The following SPAG9 variants were observed in gnomAD, a reference collection of about 807,000 sequenced individuals.
The protein encoded by SPAG9 is C-Jun-amino-terminal kinase-interacting protein 4.
Under a neutral mutation model 166.5 loss-of-function variants are expected in SPAG9, and 35 were observed. The observed-to-expected ratio is 0.21, with a 90% CI of 0.16 to 0.28. The LOEUF is 0.28. Among genes scored for constraint, SPAG9 ranks in the 10% least tolerant of loss-of-function variants. The pLI is 1.00. For synonymous variants in SPAG9, 534 were observed against 565.5 expected (o/e 0.94, Z 0.79); for missense variants, 1,235 against 1,603.3 (o/e 0.77, Z 3.92).
chr17:50,985,970 G>A (rs1430763702), intron 22 of SPAG9, among the ~76,000 whole-genome samples, 192 bp from the exon 23 acceptor site: 3 of 152,210 alleles, frequency 2.0e-5, no homozygotes, highest in Admixed American at 6.5e-5. Flanking sequence ...TAAAGAAATA[G>A]GCTGCTGAGC....
chr17:50,984,974 C>T lies in SPAG9; in HGVS notation c.3037G>A (p.Val1013Met), dbSNP rs766280518. 19 of 1,614,060 alleles carry T rather than the reference C, an allele frequency of 1.2e-5. No homozygotes were observed. Among genetic ancestry groups the T allele is most frequent in the Non-Finnish European group, 1.6e-5 (19 of 1,180,018 alleles). Residue 1013 changes from valine to methionine, a missense_variant, in exon 24 of 30, where the codon GTG becomes ATG. Physicochemically the swap from Val to Met is conservative, Grantham distance 21. Coordinates refer to ENST00000262013, the MANE Select transcript of SPAG9 (RefSeq NM_001130528.3). ...ILSIVHVKGI[V>M]LVALADGTLA... ...GTGCCGTCAGCCAGGGCTACTAACA[C>T]GATTCCCTTCACGTGTCTGCAAACA...
chr17:51,002,057 C>T (rs955946702), intron 12 of SPAG9, among the ~76,000 whole-genome samples: 1 of 151,942 alleles, frequency 6.6e-6, no homozygotes, highest in Non-Finnish European at 1.5e-5. Context: ...GATCTGTTGC[C>T]CACCCTGAAG....
chr17:51,069,921 A>T (rs531928626), intron 2 of SPAG9, among the ~76,000 whole-genome samples: 1 of 152,172 alleles, frequency 6.6e-6, no homozygotes, highest in Non-Finnish European at 1.5e-5. Flanking sequence ...TTTTCATTTA[A>T]AGGAAGGAAG....
chr17:51,068,268 A>C (rs1365152679), intron 2 of SPAG9, among the ~76,000 whole-genome samples: 2 of 152,170 alleles, frequency 1.3e-5, no homozygotes, highest in African/African-American at 4.8e-5. Flanking sequence ...CAGTAATAAC[A>C]ACCTCTCCTC....
chr17:51,022,637 A>G (rs1210351589), intron 6 of SPAG9, among the ~76,000 whole-genome samples: 1 of 149,790 alleles, frequency 6.7e-6, no homozygotes, highest in African/African-American at 2.5e-5. Context: ...ACCACTAATA[A>G]TAATAATAAT....
At chr17:51,096,006 GAT>G (rs369064263) in intron 1 of SPAG9, among the ~76,000 whole-genome samples, 919 of 88,242 alleles carry the variant, frequency 0.01, 16 homozygotes, top group Middle Eastern at 0.018. Flanking sequence ...TATATATAGT[GAT>G]ATATATATAT....
At chr17:51,056,817 T>C (rs1200204371) in intron 2 of SPAG9, among the ~76,000 whole-genome samples, 1 of 152,094 alleles carries the variant, frequency 6.6e-6, no homozygotes, top group Non-Finnish European at 1.5e-5. Flanking sequence ...GCCCAAATAA[T>C]GTATTTCCAA....
intron 1 of SPAG9, among the ~76,000 whole-genome samples, chr17:51,079,905 A>C (rs915302938): frequency 1.3e-5 from 2 of 152,226 alleles, no homozygotes; most frequent in Non-Finnish European, 2.9e-5. Flanking sequence ...ATAACAAAAT[A>C]ATTGTTTCCA....
At chr17:50,992,415 C>T (rs2143845440) in intron 19 of SPAG9, among the ~76,000 whole-genome samples, 1 of 152,212 alleles carries the variant, frequency 6.6e-6, no homozygotes, top group East Asian at 1.9e-4. Flanking sequence ...GAGGGCTGGG[C>T]ATCCCAATAC....
At chr17:51,009,793 T>C (rs1331553061) in intron 9 of SPAG9, among the ~76,000 whole-genome samples, 2 of 152,098 alleles carry the variant, frequency 1.3e-5, no homozygotes, top group Non-Finnish European at 2.9e-5. Flanking sequence ...GAGACCCGGA[T>C]GAAGTAGAAA....
intron 1 of SPAG9, among the ~76,000 whole-genome samples, chr17:51,106,327 T>A (rs983634011): frequency 1.3e-5 from 2 of 151,748 alleles, no homozygotes; most frequent in African/African-American, 2.4e-5. Flanking sequence ...AAATAAAATT[T>A]AAAAAAATTT....
intron 6 of SPAG9, among the ~76,000 whole-genome samples, chr17:51,025,377 CAATATAA>C (rs1207325097): frequency 7.1e-6 from 1 of 141,210 alleles, no homozygotes; most frequent in Non-Finnish European, 1.5e-5. Context: ...AACTGGCACC[CAATATAA>C]AATATAAAAG....
chr17:51,038,341 A>G (rs924040296), intron 5 of SPAG9, among the ~76,000 whole-genome samples: 45 of 152,190 alleles, frequency 3.0e-4, no homozygotes, highest in African/African-American at 1.0e-3. Flanking sequence ...AGAGGTCCAA[A>G]AGCAGAAGAG....
chr17:50,989,680 G>A lies in SPAG9; in HGVS notation c.2810C>T (p.Ser937Leu), dbSNP rs755577435. The A allele has an allele frequency of 4.3e-6, 7 of 1,613,540 alleles. No homozygotes were observed. Among genetic ancestry groups the A allele is most frequent in the South Asian group, 1.1e-5 (1 of 91,032 alleles). ...AGTTGATGACCCATTATTATACCTCGACTGATACACTGGGGAGAGGTCTTC... is the reference window on the plus strand; with the variant it reads ...AGTTGATGACCCATTATTATACCTCAACTGATACACTGGGGAGAGGTCTTC... ...IPEDLSPVYQ[S>L]SNDSDAYKDQ... The change falls in exon 21 of 30, where the codon TCG (serine) becomes TTG (leucine). Residue 937 changes from serine to leucine, a missense_variant. Coordinates refer to ENST00000262013, the MANE Select transcript of SPAG9 (RefSeq NM_001130528.3).
rs773144029 is a variant in SPAG9, at chr17:50,984,955, T to C, written c.3056A>G (p.Asp1019Gly). The C allele has an allele frequency of 6.2e-7, 1 of 1,614,152 alleles. No individual in the cohort carries two copies. The highest frequency in any genetic ancestry group is 2.2e-5 in the East Asian group (1 of 44,880). ...TCTGTGAAAGATTGCAAGGGTGCCGTCAGCCAGGGCTACTAACACGATTCC... is the reference window on the plus strand; with the variant it reads ...TCTGTGAAAGATTGCAAGGGTGCCGCCAGCCAGGGCTACTAACACGATTCC... ...VKGIVLVALADGTLAIFHRGV... is the reference protein window; with the variant it reads ...VKGIVLVALAGGTLAIFHRGV... Residue 1019 changes from aspartate (D) to glycine (G), a missense_variant, in exon 24 of 30, where the codon GAC (aspartate) becomes GGC (glycine). Asp to Gly is a moderately conservative substitution (Grantham distance 94, BLOSUM62 -1). This residue lies in a region of SPAG9 where 493 missense variants were observed against 559.4 expected (regional missense o/e 0.88). Transcript: ENST00000262013.
intron 26 of SPAG9, 116 bp downstream of exon 26, chr17:50,979,630 T>A: frequency 1.1e-6 from 1 of 943,446 alleles, no homozygotes; most frequent in Middle Eastern, 3.4e-4. Context: ...CACCTGTGCA[T>A]AGCCACTGCA....
intron 8 of SPAG9, among the ~76,000 whole-genome samples, chr17:51,015,585 C>T (rs2045663879): frequency 6.6e-6 from 1 of 150,716 alleles, no homozygotes; most frequent in African/African-American, 2.4e-5. Flanking sequence ...ACACTAAGAG[C>T]AAAAAAAGAC....
intron 12 of SPAG9, 66 bp from the exon 13 acceptor site, chr17:51,001,911 G>C: frequency 6.9e-7 from 1 of 1,445,356 alleles, no homozygotes; most frequent in South Asian, 1.3e-5. Context: ...TCATCTCAGA[G>C]TTATGCAAAA....
At chr17:50,986,090 C>G (rs1472841270) in intron 22 of SPAG9, among the ~76,000 whole-genome samples, 1 of 152,246 alleles carries the variant, frequency 6.6e-6, no homozygotes, top group Non-Finnish European at 1.5e-5. Context: ...TACCTCTCTA[C>G]TACACTGATC....
Sources: allele counts gnomAD v4.1 joint callset (sites outside exome capture counted in the v4.1 genomes callset), GRCh38; gene constraint gnomAD v4.1.1; regional missense constraint gnomAD v4.1.1; transcripts MANE v1.5; gene names NCBI Gene and HGNC (gene_info 2026-07-23, HGNC 2026-07-21).